EDIL3: variants seen among roughly 807,000 people sequenced by gnomAD.
EDIL3 encodes the protein EGF like and discoidin domains 3, also known as EGF-like repeat and discoidin I-like domain-containing protein 3.
A neutral mutation model predicts 67.4 loss-of-function variants in EDIL3; 37 were observed. That is an observed-to-expected ratio of 0.55 (90% confidence interval 0.42 to 0.72). EDIL3 has a LOEUF of 0.72. Ranked by LOEUF, EDIL3 falls within the 30% of genes least tolerant of loss-of-function variation. The pLI, the probability that EDIL3 is intolerant of heterozygous loss-of-function variation, is 0.00. For synonymous variants in EDIL3, 195 were observed against 196.3 expected (o/e 0.99, Z 0.05); for missense variants, 527 against 586.3 (o/e 0.90, Z 1.04).
intron 6 of EDIL3, among the ~76,000 whole-genome samples, chr5:84,072,474 G>A (rs1255275108): frequency 6.6e-6 from 1 of 152,036 alleles, no homozygotes; most frequent in Non-Finnish European, 1.5e-5. Context: ...AGAATATGGA[G>A]AACTAGGCAT....
At chr5:84,232,646 C>T (rs1445300744) in intron 2 of EDIL3, among the ~76,000 whole-genome samples, 1 of 152,180 alleles carries the variant, frequency 6.6e-6, no homozygotes, top group Admixed American at 6.5e-5. Context: ...AGCAAATACA[C>T]AACTTTGCAA....
At chr5:84,175,307 C>T (rs1748883374) in intron 4 of EDIL3, among the ~76,000 whole-genome samples, 1 of 151,930 alleles carries the variant, frequency 6.6e-6, no homozygotes, top group Admixed American at 6.6e-5. Flanking sequence ...TATGGAGCTA[C>T]ATAGTGAGCC....
intron 1 of EDIL3, among the ~76,000 whole-genome samples, chr5:84,294,792 G>A (rs539382788): frequency 7.9e-5 from 12 of 152,194 alleles, no homozygotes; most frequent in African/African-American, 2.6e-4. Context: ...TGTGCATTAC[G>A]TTTGTAAATC....
At chr5:84,141,928 T>G (rs200777177) in intron 4 of EDIL3, among the ~76,000 whole-genome samples, 2 of 121,308 alleles carry the variant, frequency 1.6e-5, no homozygotes, top group African/African-American at 6.9e-5. Flanking sequence ...TATATACACA[T>G]ATATATATAT....
chr5:84,079,712 A>G (rs1746928062), intron 6 of EDIL3, among the ~76,000 whole-genome samples: 1 of 152,074 alleles, frequency 6.6e-6, no homozygotes, highest in Non-Finnish European at 1.5e-5. Flanking sequence ...TGAGCTTCCC[A>G]GACAGTTCTA....
At chr5:83,987,869 G>GTATATA (rs34360330) in intron 9 of EDIL3, among the ~76,000 whole-genome samples, 13,454 of 138,212 alleles carry the variant, frequency 0.097, 1,273 homozygotes, top group African/African-American at 0.25. Context: ...GTGTGTGTAT[G>GTATATA]TATATATATA....
At chr5:84,152,775 T>G (rs1748420408) in intron 4 of EDIL3, among the ~76,000 whole-genome samples, 1 of 152,204 alleles carries the variant, frequency 6.6e-6, no homozygotes, top group South Asian at 2.1e-4. Context: ...TCTTTAGAGG[T>G]GATATTAATA....
rs1301827021 is a variant in EDIL3 at position 83,942,803 on chromosome 5, T to C, written c.*616A>G. On this transcript the variant is annotated 3_prime_UTR_variant, in exon 11 of 11. Coordinates refer to ENST00000296591, the MANE Select transcript of EDIL3 (RefSeq NM_005711.5). ...TTCAGGTAATATACAATATTAAGAA[T>C]GTAGAATAGAACTAAAAGAAAAAGA... is the stretch of plus-strand genomic sequence containing the variant. 3 of 152,338 alleles carry C rather than the reference T, an allele frequency of 2.0e-5. No homozygotes were observed. The highest frequency in any genetic ancestry group is 7.2e-5 in the African/African-American group (3 of 41,416). 9.4% of individuals were successfully genotyped at this position (152,338 alleles called of 1,614,324 possible).
chr5:84,141,016 C>A (rs1273813836), intron 4 of EDIL3, among the ~76,000 whole-genome samples: 2 of 151,960 alleles, frequency 1.3e-5, no homozygotes, highest in Non-Finnish European at 2.9e-5. Flanking sequence ...TAAAAACGTT[C>A]ACAGAATATA....
intron 1 of EDIL3, among the ~76,000 whole-genome samples, chr5:84,330,737 G>T (rs1489792483): frequency 6.6e-6 from 1 of 152,154 alleles, no homozygotes; most frequent in African/African-American, 2.4e-5. Flanking sequence ...AAGGATGCCT[G>T]CAGTCAAACT....
At chr5:84,101,526 C>A (rs1385840318) in intron 6 of EDIL3, among the ~76,000 whole-genome samples, 1 of 152,026 alleles carries the variant, frequency 6.6e-6, no homozygotes. Context: ...TAATAACCAT[C>A]AGCAACTGCT....
At chr5:84,254,056 TAC>T (rs1745081167) in intron 2 of EDIL3, 26 bp downstream of exon 2, 1 of 1,565,978 alleles carries the variant, frequency 6.4e-7, no homozygotes, top group Non-Finnish European at 8.6e-7. Context: ...AAAAGATAAC[TAC>T]TGAAATACTT....
intron 4 of EDIL3, among the ~76,000 whole-genome samples, chr5:84,147,921 T>A (rs991371890): frequency 6.6e-6 from 1 of 152,100 alleles, no homozygotes; most frequent in African/African-American, 2.4e-5. Context: ...TAGACTCAGA[T>A]AATAAAATTA....
chr5:83,950,831 A>C (rs1021450860), intron 10 of EDIL3, among the ~76,000 whole-genome samples: 2 of 151,830 alleles, frequency 1.3e-5, no homozygotes, highest in Non-Finnish European at 2.9e-5. Context: ...CCTTTGAGAA[A>C]TACTACTTTG....
intron 3 of EDIL3, among the ~76,000 whole-genome samples, chr5:84,224,449 C>CA (rs1561226975): frequency 2.0e-5 from 3 of 150,932 alleles, no homozygotes. Flanking sequence ...ATTTATATGT[C>CA]TTTTTTTTCC....
At chr5:83,976,042 C>T (rs139517194) in intron 9 of EDIL3, among the ~76,000 whole-genome samples, 18 of 151,894 alleles carry the variant, frequency 1.2e-4, no homozygotes, top group African/African-American at 3.9e-4. Context: ...TTATGTTAAA[C>T]AGAATCACTA....
At chr5:84,297,939 T>C (rs1391158634) in intron 1 of EDIL3, among the ~76,000 whole-genome samples, 2 of 152,120 alleles carry the variant, frequency 1.3e-5, no homozygotes, top group African/African-American at 4.8e-5. Context: ...TAGATTATGG[T>C]GCATCAGGGT....
At chr5:84,342,746 T>G (rs2112179155) in intron 1 of EDIL3, among the ~76,000 whole-genome samples, 1 of 152,156 alleles carries the variant, frequency 6.6e-6, no homozygotes, top group South Asian at 2.1e-4. Flanking sequence ...TCCATAAAAC[T>G]TATGGTTTTC....
intron 1 of EDIL3, among the ~76,000 whole-genome samples, chr5:84,367,154 A>G (rs1452784809): frequency 1.3e-5 from 2 of 152,224 alleles, no homozygotes; most frequent in Non-Finnish European, 1.5e-5. Context: ...GGAAGCACAG[A>G]TAACAGTTTG....
Sources: gnomAD v4.1 joint callset for allele counts (sites outside exome capture counted in the v4.1 genomes callset) on GRCh38, gnomAD v4.1.1 for gene constraint, MANE v1.5 for transcripts, NCBI Gene and HGNC (gene_info 2026-07-23, HGNC 2026-07-21) for gene names.